The following FBXO16 variants were observed in gnomAD, a reference collection of about 807,000 sequenced individuals.
FBXO16 encodes the protein F-box only protein 16.
FBXO16 carries 31 observed loss-of-function variants against 41.0 expected under a neutral mutation model. That is an observed-to-expected ratio of 0.76 (90% CI 0.57 to 1.02). The LOEUF (loss-of-function observed/expected upper bound fraction) is 1.02. Among genes scored for constraint, FBXO16 ranks in the 50% least tolerant of loss-of-function variants. FBXO16 has a pLI of 0.00. For synonymous variants in FBXO16, 133 were observed against 117.8 expected, an observed-to-expected ratio of 1.13 and a Z score of -0.84; for missense variants, 361 against 346.2, an observed-to-expected ratio of 1.04 and a Z score of -0.34.
At chr8:28,488,931 C>T (rs1159194769) in intron 1 of FBXO16, among the ~76,000 whole-genome samples, 4 of 152,172 alleles carry the variant, frequency 2.6e-5, no homozygotes, top group African/African-American at 9.7e-5. Flanking sequence ...GAACGTGCCA[C>T]ACAACTCTGA....
chr8:28,460,609 G>C (rs1014083841), intron 4 of FBXO16, among the ~76,000 whole-genome samples: 34 of 151,496 alleles, frequency 2.2e-4, no homozygotes, highest in African/African-American at 8.3e-4. Context: ...ATTTATAATA[G>C]AGATGAGTTT....
chr8:28,449,570 G>A (rs941783055), intron 6 of FBXO16, among the ~76,000 whole-genome samples: 17 of 152,036 alleles, frequency 1.1e-4, no homozygotes, highest in Non-Finnish European at 1.6e-4. Context: ...TGATACTTCT[G>A]CCTCAGCCAC....
At chr8:28,432,249 G>A (rs558774507) in intron 7 of FBXO16, among the ~76,000 whole-genome samples, 4 of 151,992 alleles carry the variant, frequency 2.6e-5, no homozygotes, top group Admixed American at 6.6e-5. Flanking sequence ...CGATGTGGGC[G>A]GATCACCTGA....
In FBXO16 at chr8:28,428,718, A is replaced by AGCTG. The variant is rs535207016; in HGVS notation, c.*5_*8dup. The AGCTG allele has an allele frequency of 1.8e-4, 276 of 1,565,576 alleles. 3 individuals carry two copies. The South Asian group carries it at 3.1e-3, about 18-fold the overall frequency. Reference sequence around the variant, plus strand: ...AGATGAGCTGGAACTTTTAGGGGAGAGCTGGCACTTAGGGACATCTAGAAA... The same window carrying AGCTG: ...AGATGAGCTGGAACTTTTAGGGGAGAGCTGGCTGGCACTTAGGGACATCTAGAAA... On this transcript the variant is annotated 3_prime_UTR_variant, in exon 9 of 9. Transcript: ENST00000380254.
intron 3 of FBXO16, among the ~76,000 whole-genome samples, chr8:28,465,983 T>A (rs534409583): frequency 6.6e-6 from 1 of 152,136 alleles, no homozygotes; most frequent in Non-Finnish European, 1.5e-5. Context: ...ATTAGAGGCG[T>A]GGTGGCTCAT....
intron 3 of FBXO16, among the ~76,000 whole-genome samples, chr8:28,466,890 G>A (rs1401493021): frequency 6.6e-6 from 1 of 152,120 alleles, no homozygotes; most frequent in Middle Eastern, 3.2e-3. Context: ...TGGATCTCCT[G>A]TTTTCCTTGA....
chr8:28,448,435 G>A (rs1235076686), intron 6 of FBXO16, among the ~76,000 whole-genome samples: 1 of 151,520 alleles, frequency 6.6e-6, no homozygotes. Flanking sequence ...ATTTCTCCAA[G>A]TATAGCTTAT....
At chr8:28,431,740 A>G (rs1802608689) in intron 7 of FBXO16, among the ~76,000 whole-genome samples, 1 of 152,194 alleles carries the variant, frequency 6.6e-6, no homozygotes, top group Non-Finnish European at 1.5e-5. Context: ...CTCTGTGAGA[A>G]TCTTCCCTAA....
chr8:28,439,851 C>T (rs1802740364), intron 7 of FBXO16, among the ~76,000 whole-genome samples: 2 of 88,324 alleles, frequency 2.3e-5, no homozygotes, highest in Admixed American at 1.2e-4. Context: ...GAAGCTTCTG[C>T]AGAAACTCTG....
intron 6 of FBXO16, among the ~76,000 whole-genome samples, chr8:28,450,324 T>G (rs964461348): frequency 1.3e-5 from 2 of 152,154 alleles, no homozygotes; most frequent in African/African-American, 4.8e-5. Context: ...TAACTCAAAA[T>G]GGGTCAAAGA....
At chr8:28,439,727 CAG>C (rs1212416916) in intron 7 of FBXO16, among the ~76,000 whole-genome samples, 6 of 149,936 alleles carry the variant, frequency 4.0e-5, no homozygotes, top group South Asian at 2.1e-4. Flanking sequence ...GCCTGAGTGA[CAG>C]AGTGAGACCC....
At chr8:28,470,204 A>C (rs1360197665) in intron 3 of FBXO16, among the ~76,000 whole-genome samples, 1 of 152,180 alleles carries the variant, frequency 6.6e-6, no homozygotes, top group Non-Finnish European at 1.5e-5. Context: ...AAAAAAAAAA[A>C]AATAAAGTCA....
At chr8:28,431,798 T>A (rs1340843757) in intron 7 of FBXO16, among the ~76,000 whole-genome samples, 1 of 152,230 alleles carries the variant, frequency 6.6e-6, no homozygotes, top group Non-Finnish European at 1.5e-5. Context: ...CTTTTCTCAC[T>A]CTTTGAAAAT....
chr8:28,450,843 G>T (rs1376009986), intron 6 of FBXO16, among the ~76,000 whole-genome samples: 1 of 152,170 alleles, frequency 6.6e-6, no homozygotes, highest in Admixed American at 6.5e-5. Context: ...TTCGGAGGGC[G>T]AAGTGAGAGG....
chr8:28,451,392 T>G (rs910410275), intron 6 of FBXO16, among the ~76,000 whole-genome samples: 34 of 151,326 alleles, frequency 2.2e-4, no homozygotes, highest in African/African-American at 3.4e-4. Context: ...TTTTTTTTTT[T>G]TTGTTTTTTG....
At chr8:28,466,517 C>T (rs190280970) in intron 3 of FBXO16, among the ~76,000 whole-genome samples, 43 of 151,934 alleles carry the variant, frequency 2.8e-4, no homozygotes, top group Admixed American at 7.2e-4. Context: ...TCTGGCCAGG[C>T]GCGGTGGCTC....
Position 28,483,261 on chromosome 8 carries a change from C to T in FBXO16, c.99+87G>A, listed in dbSNP as rs75164855. ...ATCCATTACACAATCTTAAATAATCCCTGTTCATATTTTGGTAAGTAAAAT... is the reference window on the plus strand; with the variant it reads ...ATCCATTACACAATCTTAAATAATCTCTGTTCATATTTTGGTAAGTAAAAT... On this transcript the variant is annotated intron_variant, in intron 2 of 8. Transcript: ENST00000380254. 3.1e-3 allele frequency: 3,646 copies of T among 1,187,336 alleles called. 81 individuals are homozygous for T. The African/African-American group carries it at 0.05, about 16-fold the overall frequency. The allele number at this position is 1,187,336 out of a possible 1,614,324, so 73.6% of individuals were successfully genotyped here. A position where few individuals can be genotyped will look rare whatever the true frequency, so the allele number is the denominator to read the frequency against.
chr8:28,486,512 C>T (rs1179793790), intron 1 of FBXO16, among the ~76,000 whole-genome samples: 1 of 152,056 alleles, frequency 6.6e-6, no homozygotes, highest in Non-Finnish European at 1.5e-5. Context: ...GCGTAAGCCA[C>T]CGCCGCGCCT....
intron 6 of FBXO16, chr8:28,449,112 G>A (rs2130118677): frequency 6.6e-6 from 1 of 152,120 alleles, no homozygotes; most frequent in East Asian, 1.9e-4. Flanking sequence ...ACCAGGTACG[G>A]GGGACAGAAG....
Sources: allele counts gnomAD v4.1 joint callset (sites outside exome capture counted in the v4.1 genomes callset), GRCh38; gene constraint gnomAD v4.1.1; transcripts MANE v1.5; gene names NCBI Gene and HGNC (gene_info 2026-07-23, HGNC 2026-07-21).